Variants in SOX6 observed in about 807,000 individuals in gnomAD.
SOX6 encodes transcription factor SOX-6.
A neutral mutation model predicts 97.8 loss-of-function variants in SOX6; 11 were observed. The ratio of observed to expected loss-of-function variants is 0.11; its 90% CI spans 0.07 to 0.19. SOX6 has a LOEUF of 0.19. Ranked by LOEUF, SOX6 falls within the 10% of genes least tolerant of loss-of-function variation. SOX6 has a pLI of 1.00. For synonymous variants in SOX6, 360 were observed against 371.4 expected (o/e 0.97, Z 0.35); for missense variants, 810 against 1,039.5 (o/e 0.78, Z 3.04).
At position 16,105,674 on chromosome 11, in the gene SOX6, C is replaced by T. The variant is rs145416271; in HGVS notation, c.898+6129G>A. 1.4e-3 allele frequency among the ~76,000 whole-genome samples: 216 copies of T among 152,228 alleles called. 3 individuals are homozygous for T. The highest frequency in any genetic ancestry group is 5.0e-3 in the African/African-American group (209 of 41,552). Reference sequence around the variant, plus strand: ...AAGACAATAATGTTCACTTTCACTGCTGCTATTCAGTCTTGTAGTGGAAGT... The same window carrying T: ...AAGACAATAATGTTCACTTTCACTGTTGCTATTCAGTCTTGTAGTGGAAGT... On this transcript the variant is annotated intron_variant, in intron 7 of 15. Transcript: ENST00000683767.
At chr11:16,219,860 C>T (rs1852487330) in intron 4 of SOX6, among the ~76,000 whole-genome samples, 1 of 151,888 alleles carries the variant, frequency 6.6e-6, no homozygotes, top group South Asian at 2.1e-4. Flanking sequence ...ATCCTAGTAC[C>T]TAGGGTGCTA....
At chr11:16,206,233 A>G (rs909764002) in intron 4 of SOX6, among the ~76,000 whole-genome samples, 1 of 152,138 alleles carries the variant, frequency 6.6e-6, no homozygotes, top group Non-Finnish European at 1.5e-5. Context: ...TTACATTATA[A>G]CTAATGTCAG....
At chr11:16,429,513 C>G (rs1478581748) in intron 1 of SOX6, among the ~76,000 whole-genome samples, 1 of 152,146 alleles carries the variant, frequency 6.6e-6, no homozygotes, top group Non-Finnish European at 1.5e-5. Flanking sequence ...AGAATGAGAT[C>G]ATACCCTTCA....
chr11:16,456,596 A>C (rs762700451), intron 1 of SOX6, among the ~76,000 whole-genome samples: 1 of 152,148 alleles, frequency 6.6e-6, no homozygotes, highest in African/African-American at 2.4e-5. Context: ...CAGATGACTT[A>C]AGGTGGCTGT....
intron 3 of SOX6, among the ~76,000 whole-genome samples, chr11:16,237,048 T>C (rs890116900): frequency 3.3e-5 from 5 of 151,882 alleles, no homozygotes; most frequent in East Asian, 3.9e-4. Flanking sequence ...AAATATTTAA[T>C]AGCAACCACT....
intron 12 of SOX6, among the ~76,000 whole-genome samples, chr11:16,023,745 G>T (rs1855138367): frequency 1.3e-5 from 2 of 151,950 alleles, no homozygotes; most frequent in South Asian, 4.2e-4. Flanking sequence ...CTTATGAAAG[G>T]GTAATAGAAT....
At chr11:16,539,392 A>C (rs1861365885) in intron 4 of SOX6, among the ~76,000 whole-genome samples, 2 of 152,224 alleles carry the variant, frequency 1.3e-5, no homozygotes, top group Admixed American at 6.5e-5. Flanking sequence ...CGACACCCTA[A>C]CATCACAATT....
In SOX6 at chr11:16,491,539, G is replaced by T. The variant is rs1172316437; in HGVS notation, n.610-15151C>A. Among the ~76,000 whole-genome samples, 3 of 152,108 alleles carry T rather than the reference G, an allele frequency of 2.0e-5. No individual in the cohort carries two copies. In the South Asian group the frequency reaches 6.2e-4, roughly 32 times the overall value. On this transcript the variant is annotated intron_variant and non_coding_transcript_variant, in intron 4 of 5. Transcript: ENST00000524520. ...GTGTGGTGTGCGTGTGTCTGTGTGT[G>T]TGTGCCTAATATAGTAAGTTCATTT...
chr11:16,194,983 G>A (rs1851733473), intron 4 of SOX6, among the ~76,000 whole-genome samples: 2 of 152,180 alleles, frequency 1.3e-5, no homozygotes, highest in Non-Finnish European at 2.9e-5. Context: ...CATAAAAATA[G>A]TAATTTCTGG....
chr11:16,373,814 AGG>A (rs1274854734), intron 1 of SOX6, among the ~76,000 whole-genome samples: 10 of 132,366 alleles, frequency 7.6e-5, no homozygotes, highest in African/African-American at 1.6e-4. Context: ...GGAGGGAGGG[AGG>A]GAGAGAGGAA....
intron 6 of SOX6, among the ~76,000 whole-genome samples, chr11:16,125,760 G>A (rs1005586727): frequency 2.0e-5 from 3 of 147,334 alleles, no homozygotes; most frequent in African/African-American, 7.5e-5. Context: ...GAAATACTCA[G>A]AATTCAAAAT....
chr11:16,733,723 TAAAAA>T (rs34111311), intron 2 of SOX6, among the ~76,000 whole-genome samples: 1 of 116,694 alleles, frequency 8.6e-6, no homozygotes, highest in Non-Finnish European at 1.7e-5. Flanking sequence ...ACTTAAAGTA[TAAAAA>T]AAAAAAAAAA....
chr11:16,101,374 T>C (rs1848943857), intron 7 of SOX6, among the ~76,000 whole-genome samples: 1 of 151,624 alleles, frequency 6.6e-6, no homozygotes, highest in African/African-American at 2.4e-5. Context: ...TTATAATATA[T>C]ATTGTTGAGA....
intron 2 of SOX6, among the ~76,000 whole-genome samples, chr11:16,332,466 G>A (rs1046732963): frequency 1.3e-5 from 2 of 152,142 alleles, no homozygotes; most frequent in Non-Finnish European, 2.9e-5. Context: ...ATTGTTTTCT[G>A]AGTACTCTCA....
upstream of SOX6, among the ~76,000 whole-genome samples, chr11:16,480,130 A>G (rs1380548643): frequency 6.6e-6 from 1 of 152,164 alleles, no homozygotes; most frequent in Non-Finnish European, 1.5e-5. Context: ...TACTTATGTG[A>G]AAATCAAATA....
intron 2 of SOX6, among the ~76,000 whole-genome samples, chr11:16,340,533 T>C (rs932526528): frequency 6.6e-6 from 1 of 152,102 alleles, no homozygotes; most frequent in Non-Finnish European, 1.5e-5. Flanking sequence ...AGCACATAAG[T>C]GAGAAAAGCT....
chr11:16,435,894 C>T (rs1294443568), intron 1 of SOX6, among the ~76,000 whole-genome samples: 2 of 152,048 alleles, frequency 1.3e-5, no homozygotes, highest in East Asian at 1.9e-4. Context: ...AAAGACCCTT[C>T]CCTCAGTGGT....
chr11:16,012,340 A>G (rs1476417850), intron 13 of SOX6, among the ~76,000 whole-genome samples: 1 of 152,002 alleles, frequency 6.6e-6, no homozygotes, highest in African/African-American at 2.4e-5. Context: ...GAAGGCTGCT[A>G]CCCATGCTAG....
At chr11:15,977,004 T>A (rs1332916482) in intron 15 of SOX6, among the ~76,000 whole-genome samples, 1 of 151,980 alleles carries the variant, frequency 6.6e-6, no homozygotes, top group Non-Finnish European at 1.5e-5. Flanking sequence ...CCTTCTTAGC[T>A]CCTCATTGCC....
Sources: allele counts gnomAD v4.1 joint callset (sites outside exome capture counted in the v4.1 genomes callset), GRCh38; gene constraint gnomAD v4.1.1; transcripts MANE v1.5; gene names NCBI Gene and HGNC (gene_info 2026-07-23, HGNC 2026-07-21).